Variants in ABTB3 observed in about 807,000 individuals in gnomAD.
ABTB3 encodes ankyrin repeat and BTB domain containing 3, also known as ankyrin repeat- and BTB/POZ domain-containing protein 3.
the ABTB3 span, among the ~76,000 whole-genome samples, chr12:107,383,420 C>T: frequency 2.6e-5 from 4 of 152,172 alleles, no homozygotes; most frequent in African/African-American, 9.7e-5. Context: ...TGCTTCCACT[C>T]CTTGCCAGCC....
At chr12:107,581,927 C>T in the ABTB3 span, among the ~76,000 whole-genome samples, 2 of 152,160 alleles carry the variant, frequency 1.3e-5, no homozygotes, top group Non-Finnish European at 2.9e-5. Flanking sequence ...TGTGCGTGCG[C>T]GTGCACGCAC....
At chr12:107,492,490 G>A in the ABTB3 span, among the ~76,000 whole-genome samples, 2,987 of 152,182 alleles carry the variant, frequency 0.02, 85 homozygotes, top group East Asian at 0.048. Flanking sequence ...TCCAAAGCTA[G>A]CACCTTTCCT....
the ABTB3 span, among the ~76,000 whole-genome samples, chr12:107,579,992 G>T: frequency 1.3e-5 from 2 of 152,182 alleles, no homozygotes; most frequent in African/African-American, 4.8e-5. Flanking sequence ...ATGATTCCCA[G>T]GCCCTCTCAT....
chr12:107,530,351 T>A, the ABTB3 span, among the ~76,000 whole-genome samples: 2 of 152,200 alleles, frequency 1.3e-5, no homozygotes, highest in Non-Finnish European at 2.9e-5. Flanking sequence ...AAGATAAGCG[T>A]CTTCCACCCT....
chr12:107,618,090 C>T, the ABTB3 span: 5 of 1,494,798 alleles, frequency 3.3e-6, no homozygotes, highest in Non-Finnish European at 4.6e-6. Context: ...CCCAGCCTGC[C>T]CCTGCCCTGC....
the ABTB3 span, among the ~76,000 whole-genome samples, chr12:107,608,529 AC>A: frequency 2.6e-5 from 4 of 152,106 alleles, no homozygotes; most frequent in African/African-American, 9.7e-5. Context: ...TTTTGCTCAT[AC>A]TGGCCCTGCT....
the ABTB3 span, among the ~76,000 whole-genome samples, chr12:107,545,078 T>C: frequency 1.3e-5 from 2 of 152,218 alleles, no homozygotes; most frequent in South Asian, 4.2e-4. Flanking sequence ...TTTCTGTTAC[T>C]TGGTGCCAAG....
chr12:107,581,110 G>T, the ABTB3 span: 3 of 1,546,240 alleles, frequency 1.9e-6, no homozygotes, highest in Non-Finnish European at 2.6e-6. Flanking sequence ...TGCCTCCGGG[G>T]AGGCCCTAAC....
chr12:107,364,786 G>A, the ABTB3 span, among the ~76,000 whole-genome samples: 1 of 152,194 alleles, frequency 6.6e-6, no homozygotes, highest in African/African-American at 2.4e-5. Flanking sequence ...TCGAAAGCCT[G>A]CATGGCATGC....
chr12:107,350,742 T>C, the ABTB3 span, among the ~76,000 whole-genome samples: 2 of 152,264 alleles, frequency 1.3e-5, no homozygotes, highest in East Asian at 1.9e-4. Context: ...AAAAAGGTGA[T>C]ATCTTCCAGA....
the ABTB3 span, among the ~76,000 whole-genome samples, chr12:107,516,420 C>T: frequency 6.6e-6 from 1 of 151,946 alleles, no homozygotes; most frequent in African/African-American, 2.4e-5. Context: ...TTAGTAGAGA[C>T]GGGGTTTCAC....
the ABTB3 span, among the ~76,000 whole-genome samples, chr12:107,398,741 C>T: frequency 6.6e-6 from 1 of 152,166 alleles, no homozygotes; most frequent in African/African-American, 2.4e-5. Context: ...ACATCTTATA[C>T]AGGAGTCCAA....
At chr12:107,639,554 G>T in the ABTB3 span, among the ~76,000 whole-genome samples, 1 of 152,212 alleles carries the variant, frequency 6.6e-6, no homozygotes, top group Non-Finnish European at 1.5e-5. Flanking sequence ...AGGACAGGGG[G>T]TGATGATGGA....
chr12:107,581,115 C>G, the ABTB3 span: 12 of 1,546,694 alleles, frequency 7.8e-6, no homozygotes, highest in Non-Finnish European at 1.0e-5. Flanking sequence ...CCGGGGAGGC[C>G]CTAACGCGCG....
the ABTB3 span, among the ~76,000 whole-genome samples, chr12:107,472,065 A>T: frequency 7.2e-5 from 11 of 152,300 alleles, no homozygotes; most frequent in African/African-American, 2.6e-4. Context: ...ACCATCAGGG[A>T]GGATACTGGG....
chr12:107,579,557 A>C, the ABTB3 span, among the ~76,000 whole-genome samples: 1 of 152,222 alleles, frequency 6.6e-6, no homozygotes, highest in African/African-American at 2.4e-5. Context: ...GAATATTATT[A>C]ACATTGGATA....
chr12:107,613,452 C>A, the ABTB3 span, among the ~76,000 whole-genome samples: 1 of 152,154 alleles, frequency 6.6e-6, no homozygotes, highest in Non-Finnish European at 1.5e-5. Context: ...CCTCCCCTCC[C>A]CCTTGCAACA....
At chr12:107,504,995 A>C in the ABTB3 span, among the ~76,000 whole-genome samples, 1 of 152,188 alleles carries the variant, frequency 6.6e-6, no homozygotes, top group African/African-American at 2.4e-5. Flanking sequence ...TCATTAACTC[A>C]ACTTGTGTTT....
chr12:107,642,417 C>T, the ABTB3 span, among the ~76,000 whole-genome samples: 3 of 152,182 alleles, frequency 2.0e-5, no homozygotes, highest in Non-Finnish European at 4.4e-5. Flanking sequence ...TAAAGGATGT[C>T]CTCTCCTGGG....
Sources: allele counts gnomAD v4.1 joint callset (sites outside exome capture counted in the v4.1 genomes callset), GRCh38; gene constraint gnomAD v4.1.1; transcripts MANE v1.5; gene names NCBI Gene and HGNC (gene_info 2026-07-23, HGNC 2026-07-21).